Variants in TENM3 observed in about 807,000 individuals in gnomAD.
The protein encoded by TENM3 is teneurin transmembrane protein 3.
In TENM3, 63 loss-of-function variants were observed where a neutral mutation model predicts 255.1. The ratio of observed to expected loss-of-function variants is 0.25; its 90% CI spans 0.20 to 0.30. The LOEUF (loss-of-function observed/expected upper bound fraction) is 0.30, where lower values mean the gene tolerates loss of function less well. Among genes scored for constraint, TENM3 ranks in the 10% least tolerant of loss-of-function variants. TENM3 has a pLI of 1.00. For synonymous variants in TENM3, 1,306 were observed against 1,322.3 expected (o/e 0.99, Z 0.27); for missense variants, 2,929 against 3,461.1 (o/e 0.85, Z 3.86).
At chr4:182,695,430 C>A (rs990121623) in intron 12 of TENM3, among the ~76,000 whole-genome samples, 1 of 152,204 alleles carries the variant, frequency 6.6e-6, no homozygotes, top group Non-Finnish European at 1.5e-5. Context: ...CCACACTTTT[C>A]CTTGTGCAGG....
chr4:181,942,210 T>C, the TENM3 span, among the ~76,000 whole-genome samples: 1 of 151,878 alleles, frequency 6.6e-6, no homozygotes, highest in African/African-American at 2.4e-5. Context: ...GATCTCTTTC[T>C]GTTTTTTTCA....
At chr4:181,862,007 C>G in the TENM3 span, among the ~76,000 whole-genome samples, 1 of 152,072 alleles carries the variant, frequency 6.6e-6, no homozygotes, top group African/African-American at 2.4e-5. Context: ...CTCTTCTGAT[C>G]TATGCTCACC....
At chr4:181,910,234 T>C in the TENM3 span, among the ~76,000 whole-genome samples, 4 of 152,168 alleles carry the variant, frequency 2.6e-5, no homozygotes, top group African/African-American at 7.2e-5. Flanking sequence ...TATAACATGC[T>C]AAATAAGTGC....
chr4:181,744,819 C>T, the TENM3 span, among the ~76,000 whole-genome samples: 1 of 152,120 alleles, frequency 6.6e-6, no homozygotes. Context: ...AGTTTTTTGT[C>T]TGAGCAACTA....
intron 3 of TENM3, among the ~76,000 whole-genome samples, chr4:182,456,249 C>T (rs79705965): frequency 0.017 from 2,537 of 152,264 alleles, 95 homozygotes; most frequent in African/African-American, 0.058. Context: ...TCAGCTTTCA[C>T]TTCTTACTAC....
intron 1 of TENM3, among the ~76,000 whole-genome samples, chr4:182,299,036 T>G (rs1388672795): frequency 8.9e-6 from 1 of 112,418 alleles, no homozygotes. Flanking sequence ...GACTGGCCAC[T>G]GCAGATTGAG....
At chr4:182,744,050 A>C in intron 19 of TENM3, 44 of 754,588 alleles carry the variant, frequency 5.8e-5, no homozygotes, top group Non-Finnish European at 6.9e-5. Flanking sequence ...AAATCTCAGA[A>C]TTCAACTCAT....
intron 3 of TENM3, among the ~76,000 whole-genome samples, chr4:182,490,922 A>G (rs1333438817): frequency 3.3e-5 from 5 of 152,168 alleles, no homozygotes; most frequent in African/African-American, 9.7e-5. Flanking sequence ...CCTTCCCAGG[A>G]TAGGGCACAT....
At chr4:182,216,949 C>T (rs1755510459) in intron 1 of TENM3, among the ~76,000 whole-genome samples, 1 of 150,000 alleles carries the variant, frequency 6.7e-6, no homozygotes, top group Non-Finnish European at 1.5e-5. Context: ...ATTCACACCA[C>T]TTCTGGTGTA....
intron 2 of TENM3, among the ~76,000 whole-genome samples, chr4:182,340,963 TG>T (rs1213826532): frequency 1.3e-5 from 2 of 152,220 alleles, no homozygotes; most frequent in African/African-American, 4.8e-5. Context: ...TATTCAATTT[TG>T]GGGTTACTGT....
intron 13 of TENM3, among the ~76,000 whole-genome samples, chr4:182,725,688 T>G (rs1214643334): frequency 2.0e-5 from 3 of 146,862 alleles, no homozygotes; most frequent in Non-Finnish European, 4.5e-5. Flanking sequence ...CAGGCTGGAG[T>G]GCAGTGGCGC....
chr4:182,536,040 A>G (rs1452809107), intron 3 of TENM3, among the ~76,000 whole-genome samples: 1 of 152,212 alleles, frequency 6.6e-6, no homozygotes, highest in Non-Finnish European at 1.5e-5. Context: ...TCCAATATGT[A>G]GGAAACTCCA....
chr4:182,119,362 C>A, the TENM3 span, among the ~76,000 whole-genome samples: 1 of 152,118 alleles, frequency 6.6e-6, no homozygotes, highest in African/African-American at 2.4e-5. Context: ...AGTGTGAAGG[C>A]CCCTCGACTG....
intron 3 of TENM3, among the ~76,000 whole-genome samples, chr4:182,478,776 T>C (rs1484417632): frequency 1.3e-5 from 2 of 151,988 alleles, no homozygotes; most frequent in Admixed American, 1.3e-4. Context: ...TCTTTATGGA[T>C]TATACTTAAA....
the TENM3 span, among the ~76,000 whole-genome samples, chr4:181,494,441 C>A: frequency 4.6e-5 from 7 of 152,056 alleles, no homozygotes; most frequent in Admixed American, 3.9e-4. Context: ...TCCGCCACCA[C>A]GCCCAGCTAA....
the TENM3 span, among the ~76,000 whole-genome samples, chr4:181,754,260 C>G: frequency 6.8e-6 from 1 of 147,494 alleles, no homozygotes; most frequent in East Asian, 2.1e-4. Flanking sequence ...AATGCCTTTG[C>G]CAGCACTATG....
intron 3 of TENM3, among the ~76,000 whole-genome samples, chr4:182,429,622 G>A (rs1419652726): frequency 6.6e-6 from 1 of 152,120 alleles, no homozygotes. Context: ...CAACTTAAAT[G>A]AAATTCAAAT....
Position 182,549,174 on chromosome 4 carries a change from ATGTGTGCATGCT to A in TENM3, c.512-51737_512-51726del, listed in dbSNP as rs1359418098. ...CCATGTATTATTCTGGGATGTGTGCATGTGTGCATGCTTGTGTGCATGCTGGTAGATGTTACG... is the reference window on the plus strand; with the variant it reads ...CCATGTATTATTCTGGGATGTGTGCATGTGTGCATGCTGGTAGATGTTACG... On this transcript the variant is annotated intron_variant, in intron 3 of 27. Transcript: ENST00000511685. 7.9e-5 allele frequency among the ~76,000 whole-genome samples: 12 copies of A among 152,352 alleles called. No individual in the cohort carries two copies. In the East Asian group the frequency reaches 2.1e-3, roughly 27 times the overall value.
At chr4:181,756,464 A>G in the TENM3 span, among the ~76,000 whole-genome samples, 1 of 152,186 alleles carries the variant, frequency 6.6e-6, no homozygotes, top group African/African-American at 2.4e-5. Flanking sequence ...AGCCTATGAA[A>G]CAGGTGCTGC....
Sources: gnomAD v4.1 joint callset for allele counts (sites outside exome capture counted in the v4.1 genomes callset) on GRCh38, gnomAD v4.1.1 for gene constraint, MANE v1.5 for transcripts, NCBI Gene and HGNC (gene_info 2026-07-23, HGNC 2026-07-21) for gene names.